Variants in ZNF90 observed in about 807,000 individuals in gnomAD.
ZNF90 encodes zinc finger protein 90.
ZNF90 carries 11 observed loss-of-function variants against 12.0 expected under a neutral mutation model. The observed-to-expected ratio is 0.92, with a 90% CI of 0.58 to 1.52. ZNF90 has a LOEUF of 1.52. Among genes scored for constraint, ZNF90 ranks in the 40% most tolerant of loss-of-function variants. The pLI, the probability that ZNF90 is intolerant of heterozygous loss-of-function variation, is 0.00. For missense variants in ZNF90, 765 were observed against 711.5 expected (o/e 1.08, Z -0.86); for synonymous variants, 232 against 240.1 (o/e 0.97, Z 0.31).
intron 1 of ZNF90, among the ~76,000 whole-genome samples, chr19:20,095,905 C>T (rs2088941250): frequency 6.6e-6 from 1 of 152,208 alleles, no homozygotes; most frequent in African/African-American, 2.4e-5. Flanking sequence ...AGGACCAAGG[C>T]AGGTGTCCCT....
chr19:20,115,367 A>G (rs1229390814), intron 3 of ZNF90, among the ~76,000 whole-genome samples: 2 of 147,550 alleles, frequency 1.4e-5, no homozygotes, highest in African/African-American at 5.0e-5. Flanking sequence ...ATGTTATTTT[A>G]TTTTTTGTTT....
intron 3 of ZNF90, among the ~76,000 whole-genome samples, chr19:20,109,985 C>T (rs530721344): frequency 6.6e-6 from 1 of 152,302 alleles, no homozygotes; most frequent in South Asian, 2.1e-4. Flanking sequence ...ACAAACCTTC[C>T]ACTTTCTGAT....
chr19:20,096,553 G>T (rs970299262), intron 1 of ZNF90, among the ~76,000 whole-genome samples: 3 of 152,074 alleles, frequency 2.0e-5, no homozygotes, highest in Non-Finnish European at 4.4e-5. Flanking sequence ...GTGCTCAGTG[G>T]GGGTGCTTTT....
At position 20,093,614 on chromosome 19, in the gene ZNF90, G is replaced by A. The variant is rs141300081; in HGVS notation, c.4-10625G>A. 4.5e-3 allele frequency among the ~76,000 whole-genome samples: 683 copies of A among 152,184 alleles called. 6 individuals are homozygous for A. Among genetic ancestry groups the A allele is most frequent in the African/African-American group, 0.016 (645 of 41,512 alleles). ...GCCTAATAAGGGAACTGGGCAGGTGGGGATAACTAAAAAAGAGTGCATAAA... is the reference window on the plus strand; with the variant it reads ...GCCTAATAAGGGAACTGGGCAGGTGAGGATAACTAAAAAAGAGTGCATAAA... On this transcript the variant is annotated intron_variant, in intron 1 of 3. Transcript: ENST00000418063.
intron 1 of ZNF90, 55 bp from the exon 2 acceptor site, chr19:20,104,184 A>T: frequency 6.2e-7 from 1 of 1,606,422 alleles, no homozygotes; most frequent in Non-Finnish European, 8.5e-7. Context: ...CAAATTACAA[A>T]CTTTGCCCAT....
intron 1 of ZNF90, among the ~76,000 whole-genome samples, chr19:20,090,879 T>C (rs1251515361): frequency 1.3e-5 from 2 of 152,096 alleles, no homozygotes; most frequent in Admixed American, 6.5e-5. Context: ...AGGCTGAGCT[T>C]GGTGAGGTGT....
At chr19:20,095,955 A>T in intron 1 of ZNF90, among the ~76,000 whole-genome samples, 1 of 152,200 alleles carries the variant, frequency 6.6e-6, no homozygotes, top group African/African-American at 2.4e-5. Flanking sequence ...GTATAATCAG[A>T]GAGGCATCCC....
intron 1 of ZNF90, among the ~76,000 whole-genome samples, chr19:20,081,912 G>A (rs1039838495): frequency 9.2e-5 from 14 of 151,704 alleles, no homozygotes; most frequent in South Asian, 2.1e-4. Flanking sequence ...CTACAGGCAC[G>A]TGCCACTACC....
chr19:20,084,952 G>A (rs1309090634), intron 1 of ZNF90, among the ~76,000 whole-genome samples: 3 of 152,064 alleles, frequency 2.0e-5, no homozygotes, highest in Admixed American at 6.5e-5. Context: ...TGCTTTTGTT[G>A]CAGTAGCTTT....
At chr19:20,090,184 A>G (rs548982241) in intron 1 of ZNF90, among the ~76,000 whole-genome samples, 79 of 152,222 alleles carry the variant, frequency 5.2e-4, no homozygotes, top group Middle Eastern at 6.8e-3. Context: ...GTAGTTGAGA[A>G]TGGAGAATAG....
At chr19:20,108,731 C>CTTTTTTTTT (rs10626180) in intron 3 of ZNF90, among the ~76,000 whole-genome samples, 1 of 119,976 alleles carries the variant, frequency 8.3e-6, no homozygotes, top group Non-Finnish European at 1.6e-5. Flanking sequence ...GTAGGTTTCT[C>CTTTTTTTTT]TTTTTTTTTT....
Position 20,119,397 on chromosome 19 carries a change from A to T in ZNF90, c.*37A>T. ...ACCCTTAATAAACATAAGATAATTCATACTGGAGAGAAACCGTATAAATGT... is the reference window on the plus strand; with the variant it reads ...ACCCTTAATAAACATAAGATAATTCTTACTGGAGAGAAACCGTATAAATGT... On this transcript the variant is annotated 3_prime_UTR_variant, in exon 4 of 4. Coordinates refer to ENST00000418063, the MANE Select transcript of ZNF90 (RefSeq NM_007138.2). The T allele has an allele frequency of 6.6e-7, 1 of 1,519,262 alleles. No homozygotes were observed. Among genetic ancestry groups the T allele is most frequent in the South Asian group, 1.3e-5 (1 of 79,174 alleles). 94.1% of individuals were successfully genotyped at this position (1,519,262 alleles called of 1,614,324 possible).
chr19:20,090,605 C>T (rs1252294327), intron 1 of ZNF90, among the ~76,000 whole-genome samples: 3 of 152,140 alleles, frequency 2.0e-5, no homozygotes, highest in African/African-American at 7.2e-5. Flanking sequence ...AACAACTGAT[C>T]GTCCAGCTAG....
chr19:20,105,805 T>C (rs930290206), intron 3 of ZNF90, among the ~76,000 whole-genome samples: 3 of 152,172 alleles, frequency 2.0e-5, no homozygotes, highest in Admixed American at 2.0e-4. Context: ...AAGTATGATA[T>C]ACTTCTGCTC....
chr19:20,102,234 C>T (rs2088995274), intron 1 of ZNF90, among the ~76,000 whole-genome samples: 1 of 152,122 alleles, frequency 6.6e-6, no homozygotes, highest in Admixed American at 6.5e-5. Context: ...TCTCCTTGCT[C>T]CTAGTTTCAG....
chr19:20,104,850 T>C (rs1278179638), intron 2 of ZNF90, among the ~76,000 whole-genome samples: 3 of 152,076 alleles, frequency 2.0e-5, no homozygotes, highest in Admixed American at 6.6e-5. Context: ...TGAAATTAGC[T>C]TGGCATGGTG....
In ZNF90 at chr19:20,104,248, G is replaced by C. The variant is rs1324773973; in HGVS notation, c.13G>C (p.Glu5Gln). The C allele has an allele frequency of 6.2e-7, 1 of 1,613,950 alleles. No homozygotes were observed. The highest frequency in any genetic ancestry group is 8.5e-7 in the Non-Finnish European group (1 of 1,179,898). The stretch of plus-strand genomic sequence containing the variant: ...TATGTGTGTTTTTCAGGGACCATTG[G>C]AATTTAGAGATGTGGCCATAGAATT... MGPL[E>Q]FRDVAIEFSL... The change falls in exon 2 of 4, where the codon GAA becomes CAA. Residue 5 changes from glutamate to glutamine, a missense_variant. Transcript: ENST00000418063.
intron 1 of ZNF90, among the ~76,000 whole-genome samples, chr19:20,094,101 G>A (rs2088923898): frequency 6.6e-6 from 1 of 152,244 alleles, no homozygotes; most frequent in Non-Finnish European, 1.5e-5. Context: ...CCTGATGGAG[G>A]AAGTCTTGTA....
chr19:20,083,338 G>A (rs1380014803), intron 1 of ZNF90, among the ~76,000 whole-genome samples: 1 of 150,948 alleles, frequency 6.6e-6, no homozygotes, highest in African/African-American at 2.4e-5. Context: ...TTTTTGTTTT[G>A]TTTTTTGAGA....
Sources: gnomAD v4.1 joint callset for allele counts (sites outside exome capture counted in the v4.1 genomes callset) on GRCh38, gnomAD v4.1.1 for gene constraint, MANE v1.5 for transcripts, NCBI Gene and HGNC (gene_info 2026-07-23, HGNC 2026-07-21) for gene names.